Variants in THSD4 observed in about 807,000 individuals in gnomAD.
THSD4 encodes the protein thrombospondin type-1 domain-containing protein 4.
In THSD4, 69 loss-of-function variants were observed where a neutral mutation model predicts 119.0. The observed-to-expected ratio is 0.58, with a 90% CI of 0.48 to 0.71. THSD4 has a LOEUF of 0.71. THSD4 is among the 30% of genes least tolerant of loss of function. The pLI, the probability that THSD4 is intolerant of heterozygous loss-of-function variation, is 0.00. For synonymous variants in THSD4, 524 were observed against 540.4 expected, an observed-to-expected ratio of 0.97 and a Z score of 0.42; for missense variants, 1,393 against 1,391.1, an observed-to-expected ratio of 1.00 and a Z score of -0.02.
chr15:71,284,089 A>G (rs1049356923), intron 6 of THSD4, among the ~76,000 whole-genome samples: 12 of 152,314 alleles, frequency 7.9e-5, no homozygotes, highest in African/African-American at 2.9e-4. Context: ...CTAGACTCGA[A>G]TGGATGAGAA....
At chr15:71,368,666 C>T (rs897288685) in intron 6 of THSD4, among the ~76,000 whole-genome samples, 6 of 152,244 alleles carry the variant, frequency 3.9e-5, no homozygotes, top group African/African-American at 1.4e-4. Flanking sequence ...GTACCAGTAC[C>T]ATGCTGTTTT....
intron 3 of THSD4, among the ~76,000 whole-genome samples, chr15:71,200,872 A>C (rs145885608): frequency 2.6e-4 from 39 of 152,308 alleles, no homozygotes; most frequent in Admixed American, 1.4e-3. Flanking sequence ...GGCAAGCCCA[A>C]AATGGAGCTG....
chr15:71,263,518 AT>A (rs1205726098), intron 6 of THSD4, among the ~76,000 whole-genome samples: 1 of 152,178 alleles, frequency 6.6e-6, no homozygotes, highest in East Asian at 1.9e-4. Context: ...CAGAAATGGG[AT>A]TGCTGGGCTG....
At position 71,706,077 on chromosome 15, in the gene THSD4, G is replaced by A. The variant is rs137872373; in HGVS notation, c.1358-22472G>A. On this transcript the variant is annotated intron_variant, in intron 8 of 17. Coordinates refer to ENST00000261862, the MANE Select transcript of THSD4 (RefSeq NM_024817.3). ...TTATTTCACATGTGAGGAAACTGAG[G>A]TCGAGGCTGGTAAATGGCAGATTTT... Among the ~76,000 whole-genome samples the A allele has an allele frequency of 1.8e-3, 277 of 152,240 alleles. 2 individuals carry two copies. Among genetic ancestry groups the A allele is most frequent in the African/African-American group, 5.3e-3 (221 of 41,542 alleles).
chr15:71,461,050 G>A (rs2047422859), intron 7 of THSD4, among the ~76,000 whole-genome samples: 1 of 152,092 alleles, frequency 6.6e-6, no homozygotes, highest in Non-Finnish European at 1.5e-5. Flanking sequence ...ACCCCACAAA[G>A]TTTCTGTGAC....
chr15:71,542,738 A>G (rs1478263905), intron 7 of THSD4, among the ~76,000 whole-genome samples: 3 of 151,978 alleles, frequency 2.0e-5, no homozygotes, highest in Admixed American at 6.6e-5. Flanking sequence ...TTAGCTGGGT[A>G]TGGTGGCGGG....
intron 7 of THSD4, among the ~76,000 whole-genome samples, chr15:71,620,396 C>T (rs972110242): frequency 2.0e-5 from 3 of 151,858 alleles, no homozygotes; most frequent in Admixed American, 1.3e-4. Flanking sequence ...AGTTAGAGAT[C>T]AGCTTGGGGA....
intron 7 of THSD4, among the ~76,000 whole-genome samples, chr15:71,578,910 C>G (rs1389599905): frequency 7.0e-6 from 1 of 142,740 alleles, no homozygotes; most frequent in Non-Finnish European, 1.5e-5. Flanking sequence ...GTGGCACAAT[C>G]TCGGCTCACT....
At chr15:71,461,020 T>C (rs114525033) in intron 7 of THSD4, among the ~76,000 whole-genome samples, 1 of 152,346 alleles carries the variant, frequency 6.6e-6, no homozygotes, top group African/African-American at 2.4e-5. Context: ...ATATTTATTA[T>C]CAAATAATAA....
At chr15:71,407,099 T>C (rs565422786) in intron 6 of THSD4, among the ~76,000 whole-genome samples, 1 of 152,354 alleles carries the variant, frequency 6.6e-6, no homozygotes, top group Admixed American at 6.5e-5. Flanking sequence ...TCTTAAAGTC[T>C]ACTTTGTCCA....
chr15:71,626,844 C>CAT (rs1336953863), intron 7 of THSD4, among the ~76,000 whole-genome samples: 1 of 150,366 alleles, frequency 6.7e-6, no homozygotes, highest in African/African-American at 2.5e-5. Flanking sequence ...GAATCAAGGA[C>CAT]ATACTATGTC....
intron 8 of THSD4, among the ~76,000 whole-genome samples, chr15:71,727,567 TATATATATATATATATATATACACACAC>T (rs1567121962): frequency 8.6e-4 from 79 of 91,954 alleles, no homozygotes; most frequent in African/African-American, 5.5e-3. Flanking sequence ...TATATATATA[TATATATATATATATATATATACACACAC>T]ACACACACAC....
intron 1 of THSD4, among the ~76,000 whole-genome samples, chr15:71,138,085 G>A (rs555018564): frequency 1.3e-5 from 2 of 151,876 alleles, no homozygotes; most frequent in African/African-American, 2.4e-5. Context: ...TTCTCATACT[G>A]CTATAAAGAT....
At chr15:71,114,084 G>C (rs1328117856), upstream of THSD4, among the ~76,000 whole-genome samples, 1 of 152,124 alleles carries the variant, frequency 6.6e-6, no homozygotes, top group African/African-American at 2.4e-5. Context: ...ATCAAGTGTG[G>C]AATTATTTCA....
intron 6 of THSD4, among the ~76,000 whole-genome samples, chr15:71,344,566 C>T (rs929836358): frequency 3.3e-5 from 5 of 152,124 alleles, no homozygotes; most frequent in Non-Finnish European, 7.4e-5. Flanking sequence ...GACCTCACAT[C>T]CTTTATCCTT....
chr15:71,169,012 G>T (rs1420896293), intron 3 of THSD4, among the ~76,000 whole-genome samples: 3 of 152,152 alleles, frequency 2.0e-5, no homozygotes, highest in Non-Finnish European at 4.4e-5. Context: ...ACAGTGAAAA[G>T]ATACGCCATG....
rs567790659 is a variant in THSD4 at position 71,409,094 on chromosome 15, T to A, written c.1016-2593T>A. 9.4e-4 allele frequency among the ~76,000 whole-genome samples: 143 copies of A among 151,952 alleles called. 5 individuals are homozygous for A. In the South Asian group the frequency reaches 0.028, roughly 30 times the overall value. On this transcript the variant is annotated intron_variant, in intron 6 of 17. Coordinates refer to ENST00000261862, the MANE Select transcript of THSD4 (RefSeq NM_024817.3). The stretch of plus-strand genomic sequence containing the variant: ...CCAGAGTTAAGGCCATTCCTCTGGG[T>A]TCCTTTCTTGTGGCCATTCGGAGAT...
At chr15:71,115,160 C>G (rs999351889), upstream of THSD4, 1 of 152,468 alleles carries the variant, frequency 6.6e-6, no homozygotes. This position sits in a 1 kb window ranked among gnomAD's most constrained non-coding sequence, Gnocchi z 4.4. Flanking sequence ...AATTCAGGGC[C>G]TGGTCTCAAC....
At chr15:71,735,157 G>A (rs1449918370) in intron 10 of THSD4, among the ~76,000 whole-genome samples, 1 of 152,060 alleles carries the variant, frequency 6.6e-6, no homozygotes, top group Non-Finnish European at 1.5e-5. Context: ...TCTTAGACAA[G>A]CCAAAACATT....
Sources: allele counts gnomAD v4.1 joint callset (sites outside exome capture counted in the v4.1 genomes callset), GRCh38; gene constraint gnomAD v4.1.1; non-coding constraint Gnocchi (gnomAD v3.1); transcripts MANE v1.5; gene names NCBI Gene and HGNC (gene_info 2026-07-23, HGNC 2026-07-21).